The following RFX7 variants were observed in gnomAD, a reference collection of about 807,000 sequenced individuals.
The protein encoded by RFX7 is DNA-binding protein RFX7.
A neutral mutation model predicts 111.8 loss-of-function variants in RFX7; 26 were observed. The observed-to-expected ratio is 0.23, with a 90% CI of 0.17 to 0.32. RFX7 has a LOEUF of 0.32. Ranked by LOEUF, RFX7 falls within the 10% of genes least tolerant of loss-of-function variation. The pLI is 1.00. For missense variants in RFX7, 1,573 were observed against 1,772.9 expected (o/e 0.89, Z 2.02); for synonymous variants, 624 against 624.4 (o/e 1.00, Z 0.01).
intron 2 of RFX7, among the ~76,000 whole-genome samples, chr15:56,229,826 C>T (rs530060706): frequency 6.6e-6 from 1 of 151,760 alleles, no homozygotes; most frequent in Admixed American, 6.6e-5. Context: ...ATCTTTGGAC[C>T]CCTGCCCCCC....
chr15:56,144,526 A>T, intron 3 of RFX7, 43 bp from the exon 4 acceptor site: 1 of 1,182,444 alleles, frequency 8.5e-7, no homozygotes. Flanking sequence ...TTTAAAAAAC[A>T]CTCATTTTTC....
At chr15:56,108,638 C>A (rs1028318851) in intron 5 of RFX7, among the ~76,000 whole-genome samples, 1 of 152,096 alleles carries the variant, frequency 6.6e-6, no homozygotes, top group Non-Finnish European at 1.5e-5. Flanking sequence ...AAAACCGGCA[C>A]AAGACAAGAA....
intron 5 of RFX7, among the ~76,000 whole-genome samples, chr15:56,110,560 G>A (rs1287544719): frequency 7.6e-5 from 1 of 13,196 alleles, no homozygotes; most frequent in African/African-American, 2.0e-4. Context: ...TCAGCCCCCC[G>A]CCCGGCCAGC....
rs2042441463 is a variant in RFX7 at position 56,144,458 on chromosome 15, A to C, written c.221T>G (p.Leu74Arg). 7.3e-7 allele frequency: 1 copy of C among 1,365,374 alleles called. No homozygotes were observed. Among genetic ancestry groups the C allele is most frequent in the East Asian group, 4.5e-5 (1 of 21,990 alleles). 84.6% of individuals were successfully genotyped at this position (1,365,374 alleles called of 1,614,324 possible). ...ILQEVEKFTD[L>R]EKLYLYLQLP... is the part of the protein sequence containing the mutation. The stretch of plus-strand genomic sequence containing the variant: ...CTGAAGGTAGAGGTAGAGTTTCTCT[A>C]GGTCTGTAAACTTCTCAACTTCTTG... Residue 74 changes from leucine to arginine, a missense_variant, in exon 4 of 10, where the codon CTA becomes CGA. Leu to Arg is a moderately radical substitution (Grantham distance 102). Around this residue, in one of 7 missense-constraint regions of RFX7, gnomAD observed 191 missense variants for 194.2 expected, o/e 0.98. Transcript: ENST00000559447.
intron 5 of RFX7, among the ~76,000 whole-genome samples, chr15:56,128,924 G>T (rs772404666): frequency 1.3e-5 from 2 of 151,176 alleles, no homozygotes; most frequent in Non-Finnish European, 2.9e-5. Flanking sequence ...TAATCCAAAA[G>T]TGTTATTAAA....
chr15:56,188,557 A>G (rs1000216704), intron 2 of RFX7, among the ~76,000 whole-genome samples: 4 of 152,234 alleles, frequency 2.6e-5, no homozygotes, highest in Admixed American at 6.5e-5. Flanking sequence ...CATTGCATGC[A>G]GTGAAAAAGT....
intron 2 of RFX7, among the ~76,000 whole-genome samples, chr15:56,191,863 T>C (rs2043103664): frequency 6.6e-6 from 1 of 151,972 alleles, no homozygotes; most frequent in Non-Finnish European, 1.5e-5. Flanking sequence ...GAAGGTAGGG[T>C]AAGGCTCAAG....
chr15:56,116,223 C>G (rs1013770530), intron 5 of RFX7, among the ~76,000 whole-genome samples: 2 of 152,116 alleles, frequency 1.3e-5, no homozygotes, highest in Non-Finnish European at 2.9e-5. Context: ...CCAAGAGACC[C>G]TAGTGTCATC....
At chr15:56,221,970 C>A (rs1049910358) in intron 2 of RFX7, among the ~76,000 whole-genome samples, 3 of 152,178 alleles carry the variant, frequency 2.0e-5, no homozygotes, top group African/African-American at 7.2e-5. Context: ...GTTCTCTTCA[C>A]CCCTTCATTT....
chr15:56,147,243 T>C (rs968821048), intron 3 of RFX7, among the ~76,000 whole-genome samples: 10 of 152,208 alleles, frequency 6.6e-5, no homozygotes, highest in Admixed American at 2.0e-4. Context: ...TTAAAAATTA[T>C]AATTTTTTAT....
chr15:56,180,770 A>T (rs908430227), intron 2 of RFX7, among the ~76,000 whole-genome samples: 2 of 146,528 alleles, frequency 1.4e-5, no homozygotes, highest in Non-Finnish European at 3.0e-5. Context: ...AAAAAAAAAA[A>T]GCCGAGCATG....
At chr15:56,188,064 G>A (rs575581192) in intron 2 of RFX7, among the ~76,000 whole-genome samples, 93 of 152,176 alleles carry the variant, frequency 6.1e-4, no homozygotes, top group Non-Finnish European at 9.4e-4. Flanking sequence ...AGTATTTAAA[G>A]GAAAATATGG....
chr15:56,178,738 G>A (rs564083198), intron 3 of RFX7, among the ~76,000 whole-genome samples: 2 of 152,176 alleles, frequency 1.3e-5, no homozygotes, highest in East Asian at 3.9e-4. Context: ...TATTATTGTG[G>A]CTTTAAATCT....
At position 56,095,481 on chromosome 15, in the gene RFX7, G is replaced by A; in HGVS notation, c.2247C>T (p.Thr749=). 2 of 1,612,522 alleles carry A rather than the reference G, an allele frequency of 1.2e-6. No homozygotes were observed. The highest frequency in any genetic ancestry group is 1.7e-6 in the Non-Finnish European group (2 of 1,179,822). ...CTTTTATATCTGGAGATGATGATGG[G>A]GTTGTTTGCTGTTCCAAAGCTGAAT... The part of the protein sequence containing the change: ...ISDSALEQQT[T]PSSSPDIKVK... The change falls in exon 10 of 10, where the codon ACC becomes ACT. Residue 749 remains threonine (T), a synonymous_variant. Transcript: ENST00000559447.
At chr15:56,238,531 G>T (rs1449271456) in intron 2 of RFX7, among the ~76,000 whole-genome samples, 1 of 152,116 alleles carries the variant, frequency 6.6e-6, no homozygotes, top group African/African-American at 2.4e-5. Flanking sequence ...GAATCTTATA[G>T]GTCTTCTGTC....
intron 2 of RFX7, among the ~76,000 whole-genome samples, chr15:56,218,611 C>T (rs1459050897): frequency 1.3e-5 from 2 of 152,120 alleles, no homozygotes; most frequent in Non-Finnish European, 2.9e-5. Context: ...GGTGAGGAGG[C>T]ATGGCAGTAG....
intron 3 of RFX7, among the ~76,000 whole-genome samples, chr15:56,157,604 G>A (rs1432600943): frequency 1.3e-5 from 2 of 152,138 alleles, no homozygotes; most frequent in African/African-American, 2.4e-5. Context: ...TTTTTGAGAC[G>A]GAGTCTTGCT....
At chr15:56,241,850 G>A (rs2043693343) in intron 2 of RFX7, among the ~76,000 whole-genome samples, 1 of 152,116 alleles carries the variant, frequency 6.6e-6, no homozygotes, top group South Asian at 2.1e-4. Context: ...AAAACTGAAA[G>A]CAAGATACTC....
intron 3 of RFX7, among the ~76,000 whole-genome samples, chr15:56,161,078 T>C (rs894934537): frequency 3.3e-5 from 5 of 152,126 alleles, no homozygotes; most frequent in African/African-American, 7.2e-5. Flanking sequence ...CAAAATATTC[T>C]GCTCAAAGAT....
Sources: gnomAD v4.1 joint callset for allele counts (sites outside exome capture counted in the v4.1 genomes callset) on GRCh38, gnomAD v4.1.1 for gene constraint, gnomAD v4.1.1 regional missense constraint, MANE v1.5 for transcripts, NCBI Gene and HGNC (gene_info 2026-07-23, HGNC 2026-07-21) for gene names.